Variants in FBXO15 observed in about 807,000 individuals in gnomAD.
FBXO15 encodes F-box protein 15.
In FBXO15, 30 loss-of-function variants were observed where a neutral mutation model predicts 49.5. That is an observed-to-expected ratio of 0.61 (90% CI 0.45 to 0.82). FBXO15 has a LOEUF of 0.82. Among genes scored for constraint, FBXO15 ranks in the 40% least tolerant of loss-of-function variants. The pLI is 0.00. For synonymous variants in FBXO15, 250 were observed against 232.7 expected (o/e 1.07, Z -0.68); for missense variants, 591 against 631.5 (o/e 0.94, Z 0.69).
chr18:74,134,188 C>G (rs577883228), intron 3 of FBXO15, among the ~76,000 whole-genome samples: 1 of 152,080 alleles, frequency 6.6e-6, no homozygotes, highest in South Asian at 2.1e-4. Flanking sequence ...GAAAAATCAC[C>G]CTTTCCAACT....
intron 8 of FBXO15, among the ~76,000 whole-genome samples, chr18:74,092,229 G>A (rs1299617699): frequency 1.3e-5 from 2 of 152,140 alleles, no homozygotes; most frequent in African/African-American, 4.8e-5. Context: ...CATCAGCTCA[G>A]TTTGGTTCTT....
At chr18:74,082,961 C>T (rs1912569679) in intron 8 of FBXO15, among the ~76,000 whole-genome samples, 1 of 152,228 alleles carries the variant, frequency 6.6e-6, no homozygotes, top group Non-Finnish European at 1.5e-5. Flanking sequence ...AGCCAAGCTG[C>T]CTTGGGAGCC....
Position 74,123,368 on chromosome 18 carries a change from C to T in FBXO15, c.1138G>A (p.Gly380Arg), listed in dbSNP as rs918802099. ...GAAATAAAAACTCAATCAATTTCAC[C>T]TCTCTTGGTGAAGAGATTGCGAAAT... is the stretch of plus-strand genomic sequence containing the variant. ...GTFRNLFTKR[G>R]NIENGHVKLI... Residue 380 changes from glycine (G) to arginine (R), a missense_variant and splice_region_variant, in exon 8 of 10, where the codon GGA becomes AGA. By Grantham distance (125) the Gly-to-Arg change is moderately radical. Coordinates refer to ENST00000419743, the MANE Select transcript of FBXO15 (RefSeq NM_001142958.2). 1 of 1,596,170 alleles carries T rather than the reference C, an allele frequency of 6.3e-7. No individual in the cohort carries two copies. The highest frequency in any genetic ancestry group is 8.5e-7 in the Non-Finnish European group (1 of 1,175,618).
chr18:74,118,413 CATATATAT>C (rs35545136), intron 8 of FBXO15, among the ~76,000 whole-genome samples: 11 of 139,836 alleles, frequency 7.9e-5, no homozygotes, highest in African/African-American at 2.9e-4. Context: ...CATATATACA[CATATATAT>C]ATATATGTGT....
intron 1 of FBXO15, 149 bp downstream of exon 1, chr18:74,147,521 C>T: frequency 7.9e-7 from 1 of 1,257,886 alleles, no homozygotes; most frequent in Non-Finnish European, 1.0e-6. Context: ...AAAGGATTTC[C>T]TCCGGTCGTT....
intron 8 of FBXO15, among the ~76,000 whole-genome samples, chr18:74,083,637 A>G (rs1323111069): frequency 6.6e-6 from 1 of 152,216 alleles, no homozygotes; most frequent in Non-Finnish European, 1.5e-5. Flanking sequence ...AATAAACCTC[A>G]AATCCCTGTA....
chr18:74,078,443 C>G (rs1402867546), intron 9 of FBXO15: 1 of 152,524 alleles, frequency 6.6e-6, no homozygotes, highest in Non-Finnish European at 1.5e-5. Context: ...AGGCCCGCCT[C>G]AGCACCAGCC....
intron 8 of FBXO15, among the ~76,000 whole-genome samples, chr18:74,083,764 T>C (rs1912607075): frequency 2.0e-5 from 3 of 152,210 alleles, no homozygotes; most frequent in African/African-American, 2.4e-5. Context: ...TAACCACTTA[T>C]AAGACAGAGA....
chr18:74,124,641 A>T lies in FBXO15; in HGVS notation c.913-70T>A, dbSNP rs1208639676. ...TACATTTTTCACAAGATCATTGTGA[A>T]GATCACAGCACATTCATCTTGCAGA... On this transcript the variant is annotated intron_variant, in intron 6 of 9. Transcript: ENST00000419743. 15 of 1,319,598 alleles carry T rather than the reference A, an allele frequency of 1.1e-5. No individual in the cohort carries two copies. The East Asian group carries it at 3.5e-4, about 30-fold the overall frequency. 81.7% of individuals were successfully genotyped at this position (1,319,598 alleles called of 1,614,324 possible).
chr18:74,132,642 A>G lies in FBXO15; in HGVS notation c.333-1984T>C, dbSNP rs148814023. ...GGTTCAGATACCTTTCACAGTCTCC[A>G]AACACATTTACTTCTTGATCCCCAA... is the stretch of plus-strand genomic sequence containing the variant. On this transcript the variant is annotated intron_variant, in intron 3 of 9. Coordinates refer to ENST00000419743, the MANE Select transcript of FBXO15 (RefSeq NM_001142958.2). Among the ~76,000 whole-genome samples the G allele has an allele frequency of 7.8e-3, 1,194 of 152,326 alleles. 8 individuals are homozygous for G. Among genetic ancestry groups the G allele is most frequent in the Middle Eastern group, 0.031 (9 of 294 alleles).
In FBXO15 at chr18:74,125,982, A is replaced by G. The variant is rs150954708; in HGVS notation, c.905T>C (p.Val302Ala). ...FCLHPGLLVG[V>A]WKKEEELAFV... The stretch of plus-strand genomic sequence containing the variant: ...CAGGGACTCAAGTCTTACCTTCCAC[A>G]CTCCCACCAGGAGGCCAGGGTGCAG... Residue 302 changes from valine (V) to alanine (A), a missense_variant, in exon 6 of 10, where the codon GTG becomes GCG. Val to Ala is a moderately conservative substitution (Grantham distance 64). Transcript: ENST00000419743. The G allele has an allele frequency of 6.2e-7, 1 of 1,613,848 alleles. No individual in the cohort carries two copies. Among genetic ancestry groups the G allele is most frequent in the African/African-American group, 1.3e-5 (1 of 74,900 alleles).
At chr18:74,114,912 C>T (rs946313363) in intron 8 of FBXO15, among the ~76,000 whole-genome samples, 3 of 152,074 alleles carry the variant, frequency 2.0e-5, no homozygotes, top group African/African-American at 7.2e-5. Flanking sequence ...CAAATAAACC[C>T]ATAAGGAAAA....
intron 8 of FBXO15, among the ~76,000 whole-genome samples, chr18:74,118,180 G>A (rs867470016): frequency 5.3e-5 from 8 of 151,554 alleles, no homozygotes; most frequent in South Asian, 2.1e-4. Flanking sequence ...GTATTTTTTT[G>A]TAGAGGCCGG....
intron 8 of FBXO15, among the ~76,000 whole-genome samples, chr18:74,087,296 C>T (rs1034832166): frequency 3.9e-5 from 6 of 151,946 alleles, no homozygotes; most frequent in South Asian, 2.1e-4. Context: ...ATAGGTAAAC[C>T]GCATGTTGCA....
At chr18:74,095,664 AG>A (rs1435620418) in intron 8 of FBXO15, among the ~76,000 whole-genome samples, 2 of 152,240 alleles carry the variant, frequency 1.3e-5, no homozygotes, top group Non-Finnish European at 2.9e-5. Context: ...ATAATGAAAA[AG>A]TTTAAAACAT....
At position 74,117,039 on chromosome 18, in the gene FBXO15, G is replaced by T. The variant is rs142047878; in HGVS notation, c.1138+6329C>A. On this transcript the variant is annotated intron_variant, in intron 8 of 9. Transcript: ENST00000419743. ...GGGGCAAAGTGATTTATACCCAAAC[G>T]CAATGACATAGCTGAAATTTACTAA... Among the ~76,000 whole-genome samples the T allele has an allele frequency of 5.6e-3, 848 of 152,196 alleles. 8 individuals are homozygous for T. Among genetic ancestry groups the T allele is most frequent in the African/African-American group, 0.02 (815 of 41,504 alleles).
At chr18:74,123,641 T>C in intron 7 of FBXO15, 131 bp from the exon 8 acceptor site, 2 of 979,540 alleles carry the variant, frequency 2.0e-6, no homozygotes, top group Non-Finnish European at 1.5e-6. Flanking sequence ...CTCCATAGGA[T>C]TCCCTATAAT....
Position 74,147,719 on chromosome 18 carries a change from T to C in FBXO15, c.67A>G (p.Ser23Gly), listed in dbSNP as rs1224842357. ...WLGLQTLRGP[S>G]RGGGAARGRA... ...CCCCGGGCCGCGCCACCGCCCCTGC[T>C]GGGCCCGCGCAGCGTCTGGAGGCCG... Residue 23 changes from serine (S) to glycine (G), a missense_variant, in exon 1 of 10, where the codon AGC becomes GGC. Physicochemically the swap from Ser to Gly is moderately conservative, Grantham distance 56. Transcript: ENST00000419743. 10 of 1,533,132 alleles carry C rather than the reference T, an allele frequency of 6.5e-6. No homozygotes were observed. The highest frequency in any genetic ancestry group is 7.9e-6 in the Non-Finnish European group (9 of 1,142,146). The allele number at this position is 1,533,132 out of a possible 1,614,324, so 95.0% of individuals were successfully genotyped here.
chr18:74,131,691 C>T (rs1301755495), intron 3 of FBXO15, among the ~76,000 whole-genome samples: 5 of 152,310 alleles, frequency 3.3e-5, no homozygotes, highest in East Asian at 1.9e-4. Flanking sequence ...ACTGAGGCAG[C>T]GGTTAAAATC....
Sources: gnomAD v4.1 joint callset for allele counts (sites outside exome capture counted in the v4.1 genomes callset) on GRCh38, gnomAD v4.1.1 for gene constraint, MANE v1.5 for transcripts, NCBI Gene and HGNC (gene_info 2026-07-23, HGNC 2026-07-21) for gene names.